CSRNP3: variants seen among roughly 807,000 people sequenced by gnomAD.
CSRNP3 encodes the protein cysteine/serine-rich nuclear protein 3.
CSRNP3 carries 12 observed loss-of-function variants against 48.0 expected under a neutral mutation model. The observed-to-expected ratio is 0.25, with a 90% CI of 0.16 to 0.41. The LOEUF (loss-of-function observed/expected upper bound fraction) is 0.41. CSRNP3 is among the 10% of genes least tolerant of loss of function. The probability of loss-of-function intolerance (pLI) is 1.00; values close to 1 mark genes in which losing one functional copy is unlikely to be tolerated. For missense variants in CSRNP3, 580 were observed against 724.4 expected (o/e 0.80, Z 2.29); for synonymous variants, 263 against 269.7 (o/e 0.98, Z 0.24).
Position 165,594,160 on chromosome 2 carries a change from G to A in CSRNP3, c.-23-883G>A, listed in dbSNP as rs78840737. ...AGCACTTCTTATCTTAACCATTTTGGATAATGGATATTTAACCTTTCAGTT... is the reference window on the plus strand; with the variant it reads ...AGCACTTCTTATCTTAACCATTTTGAATAATGGATATTTAACCTTTCAGTT... On this transcript the variant is annotated intron_variant, in intron 3 of 6. Coordinates refer to ENST00000651982, the MANE Select transcript of CSRNP3 (RefSeq NM_001172173.2). Among the ~76,000 whole-genome samples, 70 of 152,028 alleles carry A rather than the reference G, an allele frequency of 4.6e-4. 1 individual carries two copies. The East Asian group carries it at 0.012, about 26-fold the overall frequency.
At chr2:165,617,061 T>A (rs1057035860) in intron 4 of CSRNP3, among the ~76,000 whole-genome samples, 4 of 152,120 alleles carry the variant, frequency 2.6e-5, no homozygotes, top group African/African-American at 9.7e-5. Flanking sequence ...TCCTGAATGA[T>A]TTTCTAATTT....
chr2:165,504,653 C>T (rs902967744), intron 2 of CSRNP3, among the ~76,000 whole-genome samples: 6 of 151,998 alleles, frequency 3.9e-5, no homozygotes, highest in Non-Finnish European at 8.8e-5. Context: ...AATAAAATGA[C>T]GGTACCACTG....
At chr2:165,550,647 C>T (rs1307010305) in intron 3 of CSRNP3, among the ~76,000 whole-genome samples, 2 of 152,182 alleles carry the variant, frequency 1.3e-5, no homozygotes, top group Non-Finnish European at 2.9e-5. Context: ...TCCAGAACAC[C>T]ATCAAGGCAC....
rs572430682 is a variant in CSRNP3 at position 165,658,145 on chromosome 2, A to AT, written c.408+132dup. 473 of 1,101,314 alleles carry AT rather than the reference A, an allele frequency of 4.3e-4. 1 individual carries two copies. In the African/African-American group the frequency reaches 5.8e-3, roughly 13 times the overall value. The allele number at this position is 1,101,314 out of a possible 1,614,324, so 68.2% of individuals were successfully genotyped here. A position where few individuals can be genotyped will look rare whatever the true frequency, so the allele number is the denominator to read the frequency against. ...TTTACATAACAGACTGCTTGCTGAC[A>AT]TTTTTTTAAAGCAAAACGATATAGT... On this transcript the variant is annotated intron_variant, in intron 5 of 6. Coordinates refer to ENST00000651982, the MANE Select transcript of CSRNP3 (RefSeq NM_001172173.2).
chr2:165,630,430 G>C (rs1167649888), intron 4 of CSRNP3, among the ~76,000 whole-genome samples: 1 of 151,748 alleles, frequency 6.6e-6, no homozygotes, highest in Admixed American at 6.6e-5. Context: ...CCTTCTCTTT[G>C]ATCACTTTGA....
intron 3 of CSRNP3, among the ~76,000 whole-genome samples, chr2:165,579,973 G>A (rs1685515170): frequency 7.9e-6 from 1 of 126,742 alleles, no homozygotes. Flanking sequence ...CTGTCGCCCA[G>A]GCTGGAGTGC....
At chr2:165,672,050 C>G (rs1466105263) in intron 5 of CSRNP3, among the ~76,000 whole-genome samples, 1 of 152,182 alleles carries the variant, frequency 6.6e-6, no homozygotes, top group Non-Finnish European at 1.5e-5. Flanking sequence ...TGGTCAAAGC[C>G]ATTCAACAAG....
At chr2:165,540,390 T>C (rs746421346) in intron 3 of CSRNP3, among the ~76,000 whole-genome samples, 31 of 152,112 alleles carry the variant, frequency 2.0e-4, no homozygotes, top group Non-Finnish European at 2.9e-4. Flanking sequence ...TCTCTTTTCC[T>C]CTATTTGGTA....
intron 5 of CSRNP3, among the ~76,000 whole-genome samples, chr2:165,658,712 G>A (rs1390197240): frequency 6.6e-6 from 1 of 152,160 alleles, no homozygotes; most frequent in East Asian, 1.9e-4. Context: ...TTACATGGCG[G>A]CAGCAAGAGG....
At chr2:165,592,658 A>T (rs928159734) in intron 3 of CSRNP3, among the ~76,000 whole-genome samples, 1 of 152,138 alleles carries the variant, frequency 6.6e-6, no homozygotes, top group Admixed American at 6.5e-5. Context: ...TAATGGTTTT[A>T]TAAGGGGCTT....
chr2:165,605,816 A>T (rs1686000945), intron 4 of CSRNP3, among the ~76,000 whole-genome samples: 1 of 152,190 alleles, frequency 6.6e-6, no homozygotes, highest in African/African-American at 2.4e-5. Flanking sequence ...CTTCTGAAAA[A>T]GAATAAGGAA....
chr2:165,666,050 A>G (rs868600464), intron 5 of CSRNP3, among the ~76,000 whole-genome samples: 1 of 103,222 alleles, frequency 9.7e-6, no homozygotes, highest in Non-Finnish European at 1.9e-5. Flanking sequence ...GAAGGAAGGA[A>G]AGAGAGAGGA....
intron 3 of CSRNP3, among the ~76,000 whole-genome samples, chr2:165,567,965 C>T (rs2105271997): frequency 6.6e-6 from 1 of 152,126 alleles, no homozygotes; most frequent in Middle Eastern, 3.4e-3. Context: ...ATCTATGTAA[C>T]AAAACTAGTT....
At chr2:165,619,856 C>A (rs1686311483) in intron 4 of CSRNP3, among the ~76,000 whole-genome samples, 1 of 152,136 alleles carries the variant, frequency 6.6e-6, no homozygotes, top group African/African-American at 2.4e-5. Context: ...TGTATTAGGG[C>A]AGCCATTCAT....
chr2:165,656,241 T>G (rs1023119260), intron 4 of CSRNP3, among the ~76,000 whole-genome samples: 1 of 152,202 alleles, frequency 6.6e-6, no homozygotes, highest in Non-Finnish European at 1.5e-5. Context: ...AGACCTGGGT[T>G]ACTTCAATGT....
At chr2:165,476,915 A>G (rs1270193098) in intron 1 of CSRNP3, among the ~76,000 whole-genome samples, 1 of 152,206 alleles carries the variant, frequency 6.6e-6, no homozygotes, top group Non-Finnish European at 1.5e-5. Context: ...TTTATAAGCC[A>G]AGAATGGAAG....
intron 3 of CSRNP3, among the ~76,000 whole-genome samples, chr2:165,531,178 A>G (rs1684807110): frequency 6.6e-6 from 1 of 152,192 alleles, no homozygotes; most frequent in African/African-American, 2.4e-5. Context: ...AAGGATACCA[A>G]TAAATATTTA....
intron 3 of CSRNP3, among the ~76,000 whole-genome samples, chr2:165,577,836 C>T (rs1685477467): frequency 6.6e-6 from 1 of 151,756 alleles, no homozygotes; most frequent in South Asian, 2.1e-4. Flanking sequence ...TTTGACTTTC[C>T]TGGACAGAGA....
At position 165,672,686 on chromosome 2, in the gene CSRNP3, C is replaced by G. The variant is rs1275294194; in HGVS notation, c.409-3626C>G. On this transcript the variant is annotated intron_variant, in intron 5 of 6. Transcript: ENST00000651982. ...GGCTGACTGCCTCCATTTATTCACA[C>G]TAGCTCTTGAGAGGGTAATTGATGT... Among the ~76,000 whole-genome samples the G allele has an allele frequency of 3.9e-5, 6 of 152,208 alleles. No individual in the cohort carries two copies. In the East Asian group the frequency reaches 9.6e-4, roughly 24 times the overall value.
Sources: allele counts gnomAD v4.1 joint callset (sites outside exome capture counted in the v4.1 genomes callset), GRCh38; gene constraint gnomAD v4.1.1; transcripts MANE v1.5; gene names NCBI Gene and HGNC (gene_info 2026-07-23, HGNC 2026-07-21).